The following PCBP3 variants were observed in gnomAD, a reference collection of about 807,000 sequenced individuals.
PCBP3 encodes the protein poly(rC)-binding protein 3.
A neutral mutation model predicts 52.7 loss-of-function variants in PCBP3; 25 were observed. The ratio of observed to expected loss-of-function variants is 0.47; its 90% CI spans 0.35 to 0.66. The LOEUF (loss-of-function observed/expected upper bound fraction) is 0.66. Among genes scored for constraint, PCBP3 ranks in the 30% least tolerant of loss-of-function variants. The pLI is 0.01. For missense variants in PCBP3, 391 were observed against 490.3 expected (o/e 0.80, Z 1.91); for synonymous variants, 162 against 183.0 (o/e 0.89, Z 0.93).
intron 3 of PCBP3, among the ~76,000 whole-genome samples, chr21:45,749,094 A>G (rs146262704): frequency 1.8e-4 from 28 of 152,124 alleles, no homozygotes; most frequent in Non-Finnish European, 1.9e-4. Context: ...AAAGTTCCTC[A>G]CTTAATTCCT....
At chr21:45,865,524 C>T (rs868367890) in intron 5 of PCBP3, among the ~76,000 whole-genome samples, 4 of 152,208 alleles carry the variant, frequency 2.6e-5, no homozygotes, top group Non-Finnish European at 4.4e-5. Context: ...GAAGAACCTC[C>T]GTGCCTCCCG....
intron 4 of PCBP3, among the ~76,000 whole-genome samples, chr21:45,842,570 C>T (rs978640354): frequency 4.6e-5 from 7 of 152,240 alleles, no homozygotes; most frequent in Non-Finnish European, 1.0e-4. Flanking sequence ...TTTTCTCTTT[C>T]ATGTTGAGGT....
chr21:45,910,792 G>A lies in PCBP3; in HGVS notation c.472-110G>A. ...GGAGGGGGCGCGTGGGCTGTATGCAGGTTTCCAAGGAAGTGTCCCCCGAGC... is the reference window on the plus strand; with the variant it reads ...GGAGGGGGCGCGTGGGCTGTATGCAAGTTTCCAAGGAAGTGTCCCCCGAGC... On this transcript the variant is annotated intron_variant, in intron 10 of 17. Coordinates refer to ENST00000681687, the MANE Select transcript of PCBP3 (RefSeq NM_001384156.1). 5.4e-6 allele frequency: 6 copies of A among 1,105,682 alleles called. No homozygotes were observed. In the South Asian group the frequency reaches 9.3e-5, roughly 17 times the overall value. The allele number at this position is 1,105,682 out of a possible 1,614,324, so 68.5% of individuals were successfully genotyped here.
chr21:45,925,959 G>A (rs971303277), intron 13 of PCBP3, among the ~76,000 whole-genome samples: 4 of 152,166 alleles, frequency 2.6e-5, no homozygotes, highest in South Asian at 2.1e-4. Context: ...CGTGATTGCC[G>A]TACCTCGAAC....
intron 5 of PCBP3, among the ~76,000 whole-genome samples, chr21:45,875,829 T>C (rs1457227422): frequency 1.3e-5 from 2 of 152,216 alleles, no homozygotes; most frequent in African/African-American, 4.8e-5. Flanking sequence ...CTTTCACCTA[T>C]ATAGGACACA....
At chr21:45,733,023 G>C (rs985436026) in intron 2 of PCBP3, among the ~76,000 whole-genome samples, 4 of 152,190 alleles carry the variant, frequency 2.6e-5, no homozygotes, top group Non-Finnish European at 5.9e-5. Context: ...TCTTTTGGGA[G>C]TAGAGAATCT....
intron 2 of PCBP3, among the ~76,000 whole-genome samples, chr21:45,732,204 T>C (rs1009098189): frequency 2.0e-5 from 3 of 152,210 alleles, no homozygotes; most frequent in African/African-American, 7.2e-5. Context: ...TAGAATTCAA[T>C]TGGCTCCTGA....
intron 4 of PCBP3, among the ~76,000 whole-genome samples, chr21:45,769,929 T>A (rs2089715137): frequency 6.6e-6 from 1 of 152,214 alleles, no homozygotes; most frequent in Non-Finnish European, 1.5e-5. Flanking sequence ...ATTGAGTCTG[T>A]GGGAAGACAA....
chr21:45,854,795 C>G (rs2094203610), intron 5 of PCBP3, among the ~76,000 whole-genome samples: 1 of 152,210 alleles, frequency 6.6e-6, no homozygotes, highest in African/African-American at 2.4e-5. Context: ...AGAAGATGCT[C>G]TTTGATGAGA....
intron 4 of PCBP3, among the ~76,000 whole-genome samples, chr21:45,784,660 G>A (rs1350484849): frequency 1.3e-5 from 2 of 152,228 alleles, no homozygotes; most frequent in Admixed American, 1.3e-4. Context: ...ACGGGGTTTC[G>A]CTGTGTTGGC....
rs113389686 is a variant in PCBP3 at position 45,791,386 on chromosome 21, G to C, written c.-126+35934G>C. Among the ~76,000 whole-genome samples the C allele has an allele frequency of 6.6e-6, 1 of 152,152 alleles. No homozygotes were observed. The highest frequency in any genetic ancestry group is 6.5e-5 in the Admixed American group (1 of 15,282). Reference sequence around the variant, plus strand: ...GGTCTGGTCTGGTGTACACTGAGTCGTTTGTGTTCTCCAGTTGTGTGCAGC... The same window carrying C: ...GGTCTGGTCTGGTGTACACTGAGTCCTTTGTGTTCTCCAGTTGTGTGCAGC... On this transcript the variant is annotated intron_variant, in intron 4 of 17. Transcript: ENST00000681687. This position sits in a 1 kb window ranked among gnomAD's most constrained non-coding sequence, Gnocchi z 4.2.
At chr21:45,833,934 A>C (rs2093516262) in intron 4 of PCBP3, among the ~76,000 whole-genome samples, 1 of 152,228 alleles carries the variant, frequency 6.6e-6, no homozygotes, top group Non-Finnish European at 1.5e-5. Context: ...TGTTGGAAAC[A>C]AATTTGGACC....
In PCBP3 at chr21:45,941,999, T is replaced by C; in HGVS notation, c.*293T>C. ...TTATTTTAGAAATATTGTTCCTTGG[T>C]GTCAGCGTAGCTGTCTGTCTTAGGA... On this transcript the variant is annotated 3_prime_UTR_variant, in exon 18 of 18. Transcript: ENST00000681687. The C allele has an allele frequency of 2.8e-6, 1 of 362,358 alleles. No individual in the cohort carries two copies. Among genetic ancestry groups the C allele is most frequent in the Non-Finnish European group, 4.9e-6 (1 of 202,534 alleles). 22.4% of individuals were successfully genotyped at this position (362,358 alleles called of 1,614,324 possible). A position where few individuals can be genotyped will look rare whatever the true frequency, so the allele number is the denominator to read the frequency against.
At chr21:45,879,302 G>A (rs1027867625) in intron 5 of PCBP3, among the ~76,000 whole-genome samples, 3 of 152,078 alleles carry the variant, frequency 2.0e-5, no homozygotes, top group Non-Finnish European at 4.4e-5. Flanking sequence ...TAGATTTAAA[G>A]AATAAAATGG....
intron 5 of PCBP3, among the ~76,000 whole-genome samples, chr21:45,889,748 T>C (rs1260556684): frequency 6.6e-6 from 1 of 152,234 alleles, no homozygotes; most frequent in African/African-American, 2.4e-5. Flanking sequence ...CCGTGAGTGC[T>C]GCTCAGCCCT....
At chr21:45,793,693 A>T (rs1356533894) in intron 4 of PCBP3, among the ~76,000 whole-genome samples, 6 of 152,196 alleles carry the variant, frequency 3.9e-5, no homozygotes, top group Non-Finnish European at 8.8e-5. Flanking sequence ...ACGGGAGGCG[A>T]TAGCCCCTGC....
At chr21:45,669,832 T>TA (rs1193693513) in intron 2 of PCBP3, among the ~76,000 whole-genome samples, 2 of 140,214 alleles carry the variant, frequency 1.4e-5, no homozygotes, top group Admixed American at 7.4e-5. Context: ...TATATATATA[T>TA]ATATATATAT....
In PCBP3 at chr21:45,930,841, A is replaced by C; in HGVS notation, c.852A>C (p.Ser284=). Residue 284 remains serine, a synonymous_variant, in exon 15 of 18, where the codon TCA becomes TCC. Coordinates refer to ENST00000681687, the MANE Select transcript of PCBP3 (RefSeq NM_001384156.1). ...AAGCTCAAAATCTGATGGGCCAGTC[A>C]TCAGGTAACACAAAGCCACACTGAC... ...SEEAQNLMGQ[S]SGLDASPPAS... The C allele has an allele frequency of 6.2e-7, 1 of 1,611,146 alleles. No individual in the cohort carries two copies. Among genetic ancestry groups the C allele is most frequent in the East Asian group, 2.2e-5 (1 of 44,874 alleles).
At chr21:45,889,056 G>A (rs1205881718) in intron 5 of PCBP3, among the ~76,000 whole-genome samples, 1 of 152,242 alleles carries the variant, frequency 6.6e-6, no homozygotes, top group African/African-American at 2.4e-5. Flanking sequence ...AAGCAAGTAA[G>A]TAAAGAAAGG....
Sources: allele counts gnomAD v4.1 joint callset (sites outside exome capture counted in the v4.1 genomes callset), GRCh38; gene constraint gnomAD v4.1.1; non-coding constraint Gnocchi (gnomAD v3.1); transcripts MANE v1.5; gene names NCBI Gene and HGNC (gene_info 2026-07-23, HGNC 2026-07-21).